Variants in PTPRZ1 observed in about 807,000 individuals in gnomAD.
PTPRZ1 encodes receptor-type tyrosine-protein phosphatase zeta.
PTPRZ1 carries 82 observed loss-of-function variants against 214.1 expected under a neutral mutation model. That is an observed-to-expected ratio of 0.38 (90% confidence interval 0.32 to 0.46). PTPRZ1 has a LOEUF of 0.46. Ranked by LOEUF, PTPRZ1 falls within the 20% of genes least tolerant of loss-of-function variation. The probability of loss-of-function intolerance (pLI) is 1.00; values close to 1 mark genes in which losing one functional copy is unlikely to be tolerated. For missense variants in PTPRZ1, 2,603 were observed against 2,748.7 expected (o/e 0.95, Z 1.19); for synonymous variants, 945 against 987.9 (o/e 0.96, Z 0.81).
chr7:122,018,684 T>C (rs1170469631), intron 12 of PTPRZ1, among the ~76,000 whole-genome samples: 3 of 152,196 alleles, frequency 2.0e-5, no homozygotes, highest in African/African-American at 7.2e-5. Context: ...TGCTTCTAAC[T>C]ATTTACCTAA....
intron 20 of PTPRZ1, 87 bp from the exon 21 acceptor site, chr7:122,040,729 C>CGTGTGTGTGTGTGT (rs3993671): frequency 1.2e-5 from 6 of 489,440 alleles, no homozygotes; most frequent in East Asian, 4.3e-5. Flanking sequence ...GTTGAAGAAC[C>CGTGTGTGTGTGTGT]GTGTGTGTGT....
intron 12 of PTPRZ1, among the ~76,000 whole-genome samples, chr7:122,017,870 C>G (rs1245009347): frequency 2.0e-5 from 3 of 152,086 alleles, no homozygotes; most frequent in Non-Finnish European, 4.4e-5. Context: ...CCACGCCCAG[C>G]CTGATACATT....
At chr7:121,998,983 A>T (rs572198993) in intron 10 of PTPRZ1, among the ~76,000 whole-genome samples, 3 of 152,240 alleles carry the variant, frequency 2.0e-5, no homozygotes, top group Admixed American at 2.0e-4. Context: ...AGGGACTTTA[A>T]TCCAACATGA....
At chr7:121,982,843 G>T in intron 6 of PTPRZ1, among the ~76,000 whole-genome samples, 1 of 151,552 alleles carries the variant, frequency 6.6e-6, no homozygotes, top group Non-Finnish European at 1.5e-5. Flanking sequence ...GCGCCATCTT[G>T]GCTCACTGCA....
intron 2 of PTPRZ1, among the ~76,000 whole-genome samples, chr7:121,936,952 A>T (rs1442243266): frequency 1.3e-5 from 2 of 152,138 alleles, no homozygotes; most frequent in African/African-American, 2.4e-5. Context: ...TGCTTAAGCC[A>T]CATAGTGTTT....
In PTPRZ1 at chr7:122,013,755, T is replaced by C; in HGVS notation, c.4709T>C (p.Phe1570Ser). 1 of 1,614,164 alleles carries C rather than the reference T, an allele frequency of 6.2e-7. No homozygotes were observed. Among genetic ancestry groups the C allele is most frequent in the Non-Finnish European group, 8.5e-7 (1 of 1,180,020 alleles). ...AATGAGACTTCCACAGATTTCAGTT[T>C]TGCAGACACTAATGAAAAAGATGCT... ...NENETSTDFS[F>S]ADTNEKDADG... The change falls in exon 12 of 30, where the codon TTT becomes TCT. Residue 1570 changes from phenylalanine (F) to serine (S), a missense_variant. By Grantham distance (155) the Phe-to-Ser change is radical. Around this residue, in one of 6 missense-constraint regions of PTPRZ1, gnomAD observed 1,913 missense variants for 1,914.3 expected, o/e 1.00. Transcript: ENST00000393386.
chr7:121,910,371 C>A (rs1415560030), intron 1 of PTPRZ1, among the ~76,000 whole-genome samples: 2 of 152,096 alleles, frequency 1.3e-5, no homozygotes, highest in African/African-American at 4.8e-5. Flanking sequence ...ATGATTAAGT[C>A]ATTTATTATG....
chr7:121,942,416 G>A (rs1459857405), intron 2 of PTPRZ1, among the ~76,000 whole-genome samples: 1 of 152,184 alleles, frequency 6.6e-6, no homozygotes, highest in Non-Finnish European at 1.5e-5. Flanking sequence ...AATTTCTGTG[G>A]AGATAATGAA....
intron 15 of PTPRZ1, chr7:122,031,875 C>G (rs1335136024): frequency 6.1e-6 from 1 of 162,764 alleles, no homozygotes; most frequent in Non-Finnish European, 1.3e-5. Flanking sequence ...TTTTAATTTT[C>G]TAAATTCTAT....
chr7:121,970,984 G>T (rs932019393), intron 3 of PTPRZ1, among the ~76,000 whole-genome samples: 1 of 152,090 alleles, frequency 6.6e-6, no homozygotes, highest in Non-Finnish European at 1.5e-5. Context: ...TTTGTATAAG[G>T]TGTAAGGAAG....
Position 121,972,616 on chromosome 7 carries a change from CTT to C in PTPRZ1, c.383_384del (p.Phe128SerfsTer10). 1 of 1,613,456 alleles carries C rather than the reference CTT, an allele frequency of 6.2e-7. No homozygotes were observed. The highest frequency in any genetic ancestry group is 8.5e-7 in the Non-Finnish European group (1 of 1,179,692). ...ATGGTGTTTAAAGCAAGCAAGATAA[CTT>C]TTCACTGGGGAAAATGCAATATGTC... is the stretch of plus-strand genomic sequence containing the variant. On this transcript the variant is annotated frameshift_variant, in exon 4 of 30. Transcript: ENST00000393386. LOFTEE classifies it high-confidence loss of function.
intron 8 of PTPRZ1, among the ~76,000 whole-genome samples, chr7:121,992,043 G>A (rs1797981567): frequency 6.6e-6 from 1 of 152,172 alleles, no homozygotes; most frequent in Non-Finnish European, 1.5e-5. Context: ...AGCACTTTTG[G>A]CATGAGCTGT....
chr7:121,964,907 C>G (rs1347907301), intron 2 of PTPRZ1, among the ~76,000 whole-genome samples: 1 of 152,076 alleles, frequency 6.6e-6, no homozygotes, highest in Non-Finnish European at 1.5e-5. Flanking sequence ...GTGGCTGGAG[C>G]AGAGTGATCA....
intron 1 of PTPRZ1, among the ~76,000 whole-genome samples, chr7:121,884,816 C>A (rs1489687314): frequency 1.3e-5 from 2 of 152,142 alleles, no homozygotes; most frequent in African/African-American, 4.8e-5. Context: ...GATTTTAAGT[C>A]TGTGGAAATT....
intron 13 of PTPRZ1, among the ~76,000 whole-genome samples, chr7:122,024,889 A>G (rs1799163060): frequency 6.6e-6 from 1 of 152,144 alleles, no homozygotes; most frequent in Non-Finnish European, 1.5e-5. Flanking sequence ...CTATCGATCC[A>G]TCTGCCCATC....
At chr7:121,923,702 G>GA (rs1021633559) in intron 1 of PTPRZ1, among the ~76,000 whole-genome samples, 2 of 151,184 alleles carry the variant, frequency 1.3e-5, no homozygotes, top group Non-Finnish European at 3.0e-5. Context: ...AACTTGGTGG[G>GA]GGGGTGGTAA....
chr7:121,925,099 C>T (rs995460402), intron 1 of PTPRZ1, among the ~76,000 whole-genome samples: 2 of 152,108 alleles, frequency 1.3e-5, no homozygotes, highest in Non-Finnish European at 2.9e-5. Flanking sequence ...GCAGGGACCC[C>T]GCATTATGGT....
rs755063830 is a variant in PTPRZ1 at position 122,013,453 on chromosome 7, G to A, written c.4407G>A (p.Gln1469=). The change falls in exon 12 of 30, where the codon CAG becomes CAA. Residue 1469 remains glutamine, a synonymous_variant. Coordinates refer to ENST00000393386, the MANE Select transcript of PTPRZ1 (RefSeq NM_002851.3). ...SDTHENSLMD[Q]NNPISYSLSE... ...CCCACGAAAACAGTCTTATGGATCA[G>A]AATAATCCAATCTCATACTCACTAT... 3 of 1,614,134 alleles carry A rather than the reference G, an allele frequency of 1.9e-6. No homozygotes were observed. Among genetic ancestry groups the A allele is most frequent in the South Asian group, 2.2e-5 (2 of 91,084 alleles).
chr7:121,975,425 G>C (rs998257870), intron 4 of PTPRZ1, among the ~76,000 whole-genome samples: 3 of 152,096 alleles, frequency 2.0e-5, no homozygotes, highest in African/African-American at 7.2e-5. Context: ...GCTCATTCTT[G>C]AAGGGTCAGT....
Sources: gnomAD v4.1 joint callset for allele counts (sites outside exome capture counted in the v4.1 genomes callset) on GRCh38, gnomAD v4.1.1 for gene constraint, gnomAD v4.1.1 regional missense constraint, MANE v1.5 for transcripts, NCBI Gene and HGNC (gene_info 2026-07-23, HGNC 2026-07-21) for gene names.